The following SLC71A2 variants were observed in gnomAD, a reference collection of about 807,000 sequenced individuals.
SLC71A2 encodes the protein solute carrier family 71 member 2.
the SLC71A2 span, chr9:94,460,128 C>T: frequency 6.6e-6 from 1 of 152,214 alleles, no homozygotes; most frequent in Non-Finnish European, 1.5e-5. Flanking sequence ...ACCTGGTGTC[C>T]TGGTTGGGTC....
At chr9:94,459,512 G>T in the SLC71A2 span, 4 of 1,287,106 alleles carry the variant, frequency 3.1e-6, no homozygotes, top group Admixed American at 6.6e-5. Context: ...GACGCTAGCG[G>T]CATCCTTCAG....
At chr9:94,384,567 T>C in the SLC71A2 span, among the ~76,000 whole-genome samples, 1 of 152,330 alleles carries the variant, frequency 6.6e-6, no homozygotes, top group South Asian at 2.1e-4. Flanking sequence ...CTCAAACTCC[T>C]GGGCTCAAGT....
chr9:94,456,389 G>GCTT, the SLC71A2 span: 9 of 1,446,048 alleles, frequency 6.2e-6, no homozygotes, highest in Non-Finnish European at 7.8e-6. Flanking sequence ...AGACCTCCCT[G>GCTT]CTAGAAGCAG....
the SLC71A2 span, among the ~76,000 whole-genome samples, chr9:94,381,428 T>G: frequency 1.3e-5 from 2 of 150,118 alleles, no homozygotes; most frequent in East Asian, 3.8e-4. Context: ...CATAAATTAT[T>G]TTGAGATTTA....
At chr9:94,439,022 G>GTGTTTT in the SLC71A2 span, among the ~76,000 whole-genome samples, 1 of 115,688 alleles carries the variant, frequency 8.6e-6, no homozygotes, top group Non-Finnish European at 1.7e-5. Flanking sequence ...ATTTGAGTTC[G>GTGTTTT]TTTTTTTTTT....
the SLC71A2 span, among the ~76,000 whole-genome samples, chr9:94,445,351 A>C: frequency 2.6e-5 from 4 of 152,230 alleles, no homozygotes; most frequent in Admixed American, 2.6e-4. Flanking sequence ...TTGTATTAAG[A>C]AATATATAGA....
At chr9:94,377,770 G>A in the SLC71A2 span, among the ~76,000 whole-genome samples, 1 of 151,756 alleles carries the variant, frequency 6.6e-6, no homozygotes, top group East Asian at 1.9e-4. Context: ...AAAAATAAAA[G>A]AGAATCAAGT....
chr9:94,453,933 C>G, the SLC71A2 span: 4 of 1,470,706 alleles, frequency 2.7e-6, no homozygotes, highest in Non-Finnish European at 3.8e-6. Context: ...TGTGGTTTTT[C>G]AGAGTTGTCT....
the SLC71A2 span, among the ~76,000 whole-genome samples, chr9:94,377,351 C>T: frequency 4.0e-5 from 6 of 149,670 alleles, no homozygotes; most frequent in East Asian, 5.9e-4. Flanking sequence ...GAAGATTGTC[C>T]AGCTGATAAC....
the SLC71A2 span, among the ~76,000 whole-genome samples, chr9:94,381,728 T>C: frequency 6.6e-6 from 1 of 152,200 alleles, no homozygotes; most frequent in Non-Finnish European, 1.5e-5. Context: ...CCCAGCACTT[T>C]GGGAGGCCGA....
chr9:94,381,276 T>C, the SLC71A2 span, among the ~76,000 whole-genome samples: 1 of 151,200 alleles, frequency 6.6e-6, no homozygotes, highest in Non-Finnish European at 1.5e-5. Flanking sequence ...CCTCAGACCA[T>C]CCGCCCGCCT....
At chr9:94,450,638 C>T in the SLC71A2 span, among the ~76,000 whole-genome samples, 24 of 151,740 alleles carry the variant, frequency 1.6e-4, no homozygotes, top group South Asian at 4.8e-3. Context: ...TACAGGCACA[C>T]GCCACCACGT....
At chr9:94,409,156 T>TTGAG in the SLC71A2 span, among the ~76,000 whole-genome samples, 1 of 123,514 alleles carries the variant, frequency 8.1e-6, no homozygotes, top group African/African-American at 3.4e-5. Context: ...TTTTTTTTTT[T>TTGAG]AAGGCAAGGT....
At chr9:94,387,918 G>A in the SLC71A2 span, among the ~76,000 whole-genome samples, 1 of 152,142 alleles carries the variant, frequency 6.6e-6, no homozygotes, top group African/African-American at 2.4e-5. Flanking sequence ...TGGATAATGC[G>A]CTTCTTGGTA....
chr9:94,399,478 T>C, the SLC71A2 span, among the ~76,000 whole-genome samples: 1 of 152,192 alleles, frequency 6.6e-6, no homozygotes, highest in Non-Finnish European at 1.5e-5. Context: ...CATCTGTATC[T>C]ATATGAAGTT....
the SLC71A2 span, among the ~76,000 whole-genome samples, chr9:94,439,234 T>C: frequency 2.0e-5 from 3 of 151,956 alleles, no homozygotes; most frequent in South Asian, 2.1e-4. Flanking sequence ...TCCCTTGAAC[T>C]GACTCCTGGT....
At chr9:94,388,066 A>G in the SLC71A2 span, among the ~76,000 whole-genome samples, 19,599 of 152,206 alleles carry the variant, frequency 0.13, 1,511 homozygotes, top group Middle Eastern at 0.25. Flanking sequence ...AATGTAGAAT[A>G]TCTCTTTATA....
At chr9:94,441,851 T>C in the SLC71A2 span, among the ~76,000 whole-genome samples, 2 of 152,250 alleles carry the variant, frequency 1.3e-5, no homozygotes, top group African/African-American at 4.8e-5. Context: ...TGTTTCTGAT[T>C]TTCTCAGGCA....
chr9:94,383,929 A>G, the SLC71A2 span, among the ~76,000 whole-genome samples: 1,075 of 152,188 alleles, frequency 7.1e-3, 20 homozygotes, highest in African/African-American at 0.024. Context: ...AATTTTTTAA[A>G]ATTTAAATTC....
Sources: allele counts gnomAD v4.1 joint callset (sites outside exome capture counted in the v4.1 genomes callset), GRCh38; gene constraint gnomAD v4.1.1; transcripts MANE v1.5; gene names NCBI Gene and HGNC (gene_info 2026-07-23, HGNC 2026-07-21).